The following CHD6 variants were observed in gnomAD, a reference collection of about 807,000 sequenced individuals.
CHD6 encodes the protein ATP-dependent chromatin remodeler CHD6.
In CHD6, 50 loss-of-function variants were observed where a neutral mutation model predicts 276.9. The ratio of observed to expected loss-of-function variants is 0.18; its 90% CI spans 0.14 to 0.23. The LOEUF (loss-of-function observed/expected upper bound fraction) is 0.23, where lower values mean the gene tolerates loss of function less well. Among genes scored for constraint, CHD6 ranks in the 10% least tolerant of loss-of-function variants. CHD6 has a pLI of 1.00. For synonymous variants in CHD6, 1,173 were observed against 1,229.3 expected (o/e 0.95, Z 0.96); for missense variants, 2,564 against 3,365.8 (o/e 0.76, Z 5.89).
intron 1 of CHD6, among the ~76,000 whole-genome samples, chr20:41,580,172 A>T (rs2045521081): frequency 2.0e-5 from 3 of 152,216 alleles, no homozygotes; most frequent in African/African-American, 7.2e-5. Flanking sequence ...ATTTTGATAA[A>T]GGGGTTCAGC....
chr20:41,436,218 G>A (rs981402761), intron 27 of CHD6, among the ~76,000 whole-genome samples: 11 of 152,132 alleles, frequency 7.2e-5, no homozygotes, highest in Admixed American at 6.6e-4. Context: ...ACATTTCACT[G>A]AAAAGGATAT....
At chr20:41,494,091 AT>A in intron 8 of CHD6, 147 bp from the exon 9 acceptor site, 1 of 599,770 alleles carries the variant, frequency 1.7e-6, no homozygotes, top group Non-Finnish European at 2.9e-6. Flanking sequence ...AAGTCACGGC[AT>A]TTATTCACTG....
intron 3 of CHD6, among the ~76,000 whole-genome samples, chr20:41,524,505 AT>A (rs2044480679): frequency 6.6e-6 from 1 of 152,210 alleles, no homozygotes. Flanking sequence ...AAGTAGTCCT[AT>A]CAAAAGTAAT....
intron 1 of CHD6, among the ~76,000 whole-genome samples, chr20:41,556,222 G>A (rs2045233264): frequency 6.6e-6 from 1 of 152,026 alleles, no homozygotes; most frequent in African/African-American, 2.4e-5. Context: ...GCTTTGGCTC[G>A]GCATCAGAGG....
At chr20:41,501,119 G>C (rs2043820396) in intron 5 of CHD6, among the ~76,000 whole-genome samples, 1 of 152,178 alleles carries the variant, frequency 6.6e-6, no homozygotes, top group Admixed American at 6.6e-5. Flanking sequence ...TAATGAACCA[G>C]CTTCCTACCT....
At chr20:41,520,860 T>C (rs1013807069) in intron 3 of CHD6, among the ~76,000 whole-genome samples, 1 of 152,106 alleles carries the variant, frequency 6.6e-6, no homozygotes, top group Non-Finnish European at 1.5e-5. Flanking sequence ...TAGGCAATGA[T>C]TTCTAAAGAT....
rs770431708 is a variant in CHD6 at position 41,403,118 on chromosome 20, T to G, written c.*1475A>C. The G allele has an allele frequency of 1.2e-5, 3 of 258,052 alleles. No homozygotes were observed. Among genetic ancestry groups the G allele is most frequent in the African/African-American group, 6.6e-5 (3 of 45,250 alleles). 16.0% of individuals were successfully genotyped at this position (258,052 alleles called of 1,614,324 possible). On this transcript the variant is annotated 3_prime_UTR_variant, in exon 37 of 37. Coordinates refer to ENST00000373233, the MANE Select transcript of CHD6 (RefSeq NM_032221.5). ...CATAAATAAATAATGCAAAATGAAA[T>G]AGTTATGTCAGACTTTTGGACCTTC... is the stretch of plus-strand genomic sequence containing the variant.
At chr20:41,592,264 T>C (rs2045671335) in intron 1 of CHD6, among the ~76,000 whole-genome samples, 1 of 152,138 alleles carries the variant, frequency 6.6e-6, no homozygotes, top group Non-Finnish European at 1.5e-5. Flanking sequence ...ATTTCTTTTT[T>C]TTAAAAAAAG....
rs192790262 is a variant in CHD6 at position 41,591,657 on chromosome 20, C to T, written c.-24+26683G>A. ...GTGGTAAGCCAAGATTGCACCATTG[C>T]ACTCCAGCCTGGGCAACAAGAATGA... On this transcript the variant is annotated intron_variant, in intron 1 of 36. Transcript: ENST00000373233. Among the ~76,000 whole-genome samples, 423 of 152,202 alleles carry T rather than the reference C, an allele frequency of 2.8e-3. 1 individual carries two copies. The highest frequency in any genetic ancestry group is 9.4e-3 in the African/African-American group (390 of 41,530).
intron 27 of CHD6, among the ~76,000 whole-genome samples, chr20:41,430,849 C>G (rs946222192): frequency 6.8e-6 from 1 of 147,890 alleles, no homozygotes; most frequent in Non-Finnish European, 1.5e-5. Flanking sequence ...AACAGCAGAA[C>G]ATGAATTTTT....
At chr20:41,549,357 G>A (rs1222816253) in intron 2 of CHD6, among the ~76,000 whole-genome samples, 1 of 149,950 alleles carries the variant, frequency 6.7e-6, no homozygotes, top group African/African-American at 2.5e-5. Context: ...CATGGATGAA[G>A]CTGGAAACCA....
At chr20:41,580,042 T>G (rs2045519657) in intron 1 of CHD6, among the ~76,000 whole-genome samples, 1 of 152,192 alleles carries the variant, frequency 6.6e-6, no homozygotes, top group Non-Finnish European at 1.5e-5. Flanking sequence ...GTTAAAACAT[T>G]AACTGACTAT....
At chr20:41,614,757 G>A (rs1320084186) in intron 1 of CHD6, 1 of 152,160 alleles carries the variant, frequency 6.6e-6, no homozygotes, top group Non-Finnish European at 1.5e-5. Flanking sequence ...GGGTATCAAC[G>A]CCTCCACAAC....
At position 41,452,807 on chromosome 20, in the gene CHD6, T is replaced by C; in HGVS notation, c.3256A>G (p.Asn1086Asp). Residue 1086 changes from asparagine to aspartate, a missense_variant, in exon 21 of 37, where the codon AAT becomes GAT. This residue lies in a region of CHD6 where 515 missense variants were observed against 739.5 expected (regional missense o/e 0.70). Transcript: ENST00000373233. This position sits in a 1 kb window ranked among gnomAD's most constrained non-coding sequence, Gnocchi z 4.2. ...CGGAGGTAGCGCCTGGCTTTGTCAT[T>C]GAGGCGCCTGGATCTCGTGGGCCTT... ...DERPTRSRRLNDKARRYLRAE... is the reference protein window; with the variant it reads ...DERPTRSRRLDDKARRYLRAE... 4 of 1,612,764 alleles carry C rather than the reference T, an allele frequency of 2.5e-6. No individual in the cohort carries two copies. The highest frequency in any genetic ancestry group is 3.4e-6 in the Non-Finnish European group (4 of 1,179,830).
At position 41,445,751 on chromosome 20, in the gene CHD6, A is replaced by T; in HGVS notation, c.3791T>A (p.Leu1264Gln). Residue 1264 changes from leucine to glutamine, a missense_variant, in exon 25 of 37, where the codon CTG (leucine) becomes CAG (glutamine). Leu to Gln is a moderately radical substitution (Grantham distance 113). Coordinates refer to ENST00000373233, the MANE Select transcript of CHD6 (RefSeq NM_032221.5). ...GATCTCCATGTAGTCGATGTCAGGCAGAGGTACATCCAGCTCCCTAGGGAA... is the reference window on the plus strand; with the variant it reads ...GATCTCCATGTAGTCGATGTCAGGCTGAGGTACATCCAGCTCCCTAGGGAA... The part of the protein sequence containing the change: ...GSPARELDVP[L>Q]PDIDYMEIPV... 6.2e-7 allele frequency: 1 copy of T among 1,612,846 alleles called. No individual in the cohort carries two copies. Among genetic ancestry groups the T allele is most frequent in the South Asian group, 1.1e-5 (1 of 91,032 alleles).
chr20:41,428,800 T>C (rs536531787), intron 27 of CHD6, among the ~76,000 whole-genome samples: 50 of 152,316 alleles, frequency 3.3e-4, no homozygotes, highest in African/African-American at 1.1e-3. Flanking sequence ...CCTGGCTGTA[T>C]GGCTTTTTTG....
At chr20:41,615,034 C>T (rs2146314394) in intron 1 of CHD6, among the ~76,000 whole-genome samples, 1 of 152,212 alleles carries the variant, frequency 6.6e-6, no homozygotes, top group South Asian at 2.1e-4. Flanking sequence ...TAACCTAACA[C>T]CATACCACTA....
chr20:41,515,815 T>C (rs769629211), intron 3 of CHD6, among the ~76,000 whole-genome samples: 3 of 152,258 alleles, frequency 2.0e-5, no homozygotes, highest in Non-Finnish European at 4.4e-5. Flanking sequence ...GAGGGCAGTA[T>C]GTGCTTGACT....
chr20:41,472,347 A>C (rs548881261), intron 17 of CHD6, among the ~76,000 whole-genome samples: 1 of 152,190 alleles, frequency 6.6e-6, no homozygotes, highest in East Asian at 1.9e-4. Flanking sequence ...TCTTCCCTGC[A>C]TCCCTTCTCT....
Sources: gnomAD v4.1 joint callset for allele counts (sites outside exome capture counted in the v4.1 genomes callset) on GRCh38, gnomAD v4.1.1 for gene constraint, gnomAD v4.1.1 regional missense constraint, Gnocchi (gnomAD v3.1) non-coding constraint, MANE v1.5 for transcripts, NCBI Gene and HGNC (gene_info 2026-07-23, HGNC 2026-07-21) for gene names.